The following MSN variants were observed in gnomAD, a reference collection of about 807,000 sequenced individuals.
The protein encoded by MSN is epididymis luminal protein 70.
Under a neutral mutation model 48.0 loss-of-function variants are expected in MSN, and 2 were observed. The ratio of observed to expected loss-of-function variants is 0.04; its 90% confidence interval spans 0.02 to 0.13. The LOEUF is 0.13. Ranked by LOEUF, MSN falls within the 10% of genes least tolerant of loss-of-function variation. MSN has a pLI of 1.00. For synonymous variants in MSN, 146 were observed against 166.9 expected (o/e 0.87, Z 0.97); for missense variants, 267 against 470.1 (o/e 0.57, Z 3.99).
intron 1 of MSN, among the ~76,000 whole-genome samples, chrX:65,606,545 C>T (rs190613796): frequency 5.5e-4 from 62 of 112,124 alleles, no homozygotes; most frequent in African/African-American, 2.0e-3. Context: ...GCCTCAGCTT[C>T]CTGGGTAGCT....
At chrX:65,654,437 T>G (rs1452460835) in intron 1 of MSN, among the ~76,000 whole-genome samples, 1 of 110,398 alleles carries the variant, frequency 9.1e-6, no homozygotes, top group African/African-American at 3.3e-5. Flanking sequence ...ACCCTTCTTA[T>G]AGCCAACCTT....
At chrX:65,715,088 A>G (rs1277351046) in intron 1 of MSN, among the ~76,000 whole-genome samples, 4 of 111,111 alleles carry the variant, frequency 3.6e-5, no homozygotes, top group Non-Finnish European at 7.5e-5. Context: ...TCCTTTTTCC[A>G]TTGCTTGTTT....
chrX:65,635,840 A>G (rs1271043159), intron 1 of MSN, among the ~76,000 whole-genome samples: 1 of 112,015 alleles, frequency 8.9e-6, no homozygotes, highest in Non-Finnish European at 1.9e-5. Context: ...ATGTGCCTCA[A>G]TTCCCAAGAC....
chrX:65,631,230 A>T (rs768277378), intron 1 of MSN, among the ~76,000 whole-genome samples: 2 of 109,360 alleles, frequency 1.8e-5, no homozygotes, highest in Non-Finnish European at 3.8e-5. Context: ...AGTAGCTGGG[A>T]TTACAGGCGC....
chrX:65,691,973 C>A (rs2071177290), intron 1 of MSN, among the ~76,000 whole-genome samples: 1 of 111,996 alleles, frequency 8.9e-6, no homozygotes, highest in African/African-American at 3.2e-5. Context: ...GTAGTGTTGG[C>A]CACTAATGGA....
At chrX:65,658,709 T>C (rs2070799890) in intron 1 of MSN, among the ~76,000 whole-genome samples, 1 of 111,896 alleles carries the variant, frequency 8.9e-6, no homozygotes, top group African/African-American at 3.2e-5. Context: ...TTTATTGCCG[T>C]GAACTTAGAT....
chrX:65,715,904 G>A (rs1009963377), intron 1 of MSN, among the ~76,000 whole-genome samples: 1 of 111,628 alleles, frequency 9.0e-6, no homozygotes, highest in South Asian at 3.7e-4. Flanking sequence ...GTCTTGTGTC[G>A]GTTTTAAAAG....
At chrX:65,623,368 CTTTT>C (rs773663630) in intron 1 of MSN, among the ~76,000 whole-genome samples, 1 of 74,173 alleles carries the variant, frequency 1.3e-5, no homozygotes, top group African/African-American at 4.8e-5. Context: ...TCTTTCTTTT[CTTTT>C]TTTTTTTTTT....
chrX:65,637,092 A>C (rs1297133171), intron 1 of MSN, among the ~76,000 whole-genome samples: 3 of 106,006 alleles, frequency 2.8e-5, no homozygotes, highest in African/African-American at 1.0e-4. Flanking sequence ...TCGGTCTCAA[A>C]AAAAAAAAAA....
chrX:65,617,160 A>G (rs1413442658), intron 1 of MSN, among the ~76,000 whole-genome samples: 1 of 105,635 alleles, frequency 9.5e-6, no homozygotes, highest in African/African-American at 4.0e-5. Flanking sequence ...ATATTGGTCT[A>G]AAATTCTCTT....
intron 1 of MSN, among the ~76,000 whole-genome samples, chrX:65,694,357 T>C (rs1167154953): frequency 4.7e-5 from 5 of 105,268 alleles, no homozygotes; most frequent in Non-Finnish European, 9.8e-5. Context: ...TGAGACGGAG[T>C]CTCTGTCTGT....
rs770539795 is a variant in MSN at position 65,736,858 on chromosome X, A to G, written c.1023A>G (p.Glu341=). 8.5e-7 allele frequency: 1 copy of G among 1,182,290 alleles called. No individual in the cohort carries two copies. Among genetic ancestry groups the G allele is most frequent in the East Asian group, 3.1e-5 (1 of 32,508 alleles). The change falls in exon 9 of 13, where the codon GAA becomes GAG. Residue 341 remains glutamate (E), a synonymous_variant. Coordinates refer to ENST00000360270, the MANE Select transcript of MSN (RefSeq NM_002444.3). ...CAGAGAAGGAGAAAGAGAAGATTGA[A>G]CGGGAGAAGGAGGAGCTGATGGAGA... is the stretch of plus-strand genomic sequence containing the variant. ...EMAEKEKEKI[E]REKEELMERL...
intron 8 of MSN, 113 bp from the exon 9 acceptor site, chrX:65,736,682 C>T (rs1248490868): frequency 4.7e-6 from 4 of 842,868 alleles, no homozygotes; most frequent in Non-Finnish European, 6.5e-6. Context: ...GTGATCTGCC[C>T]ACCTCGGCCT....
At position 65,702,164 on chromosome X, in the gene MSN, C is replaced by T. The variant is rs149504123; in HGVS notation, c.13-14654C>T. 8.8e-3 allele frequency among the ~76,000 whole-genome samples: 956 copies of T among 108,026 alleles called. 10 individuals carry two copies. The highest frequency in any genetic ancestry group is 0.024 in the African/African-American group (719 of 29,681). The allele number at this position is 108,026 out of a possible 115,157, so 93.8% of individuals were successfully genotyped here. The stretch of plus-strand genomic sequence containing the variant: ...AGTAGCTGGGACTACAAGAATGCAC[C>T]GCTACACCTGGCTAATTTTTGTATT... On this transcript the variant is annotated intron_variant, in intron 1 of 12. Transcript: ENST00000360270.
In MSN at chrX:65,720,496, T is replaced by C. The variant is rs780696449; in HGVS notation, c.96+3595T>C. Among the ~76,000 whole-genome samples, 21 of 112,393 alleles carry C rather than the reference T, an allele frequency of 1.9e-4. No homozygotes were observed. In the South Asian group the frequency reaches 7.7e-3, roughly 41 times the overall value. Reference sequence around the variant, plus strand: ...TCAAGGAATTGAGCATTTGGCCCTCTTGAGGCCAAGGCAGGTCAGGTCAGG... The same window carrying C: ...TCAAGGAATTGAGCATTTGGCCCTCCTGAGGCCAAGGCAGGTCAGGTCAGG... On this transcript the variant is annotated intron_variant, in intron 2 of 12. Coordinates refer to ENST00000360270, the MANE Select transcript of MSN (RefSeq NM_002444.3).
intron 1 of MSN, among the ~76,000 whole-genome samples, chrX:65,670,616 G>C (rs947828069): frequency 9.2e-6 from 1 of 108,180 alleles, no homozygotes; most frequent in Non-Finnish European, 1.9e-5. Flanking sequence ...CCAGCTACTC[G>C]GGAAGCTGAG....
intron 1 of MSN, among the ~76,000 whole-genome samples, chrX:65,609,622 G>A (rs1224964600): frequency 1.8e-5 from 2 of 111,743 alleles, no homozygotes; most frequent in Non-Finnish European, 3.8e-5. Context: ...GGTGGCTCAT[G>A]TCTGTAATCC....
chrX:65,613,466 G>T (rs1444219708), intron 1 of MSN, among the ~76,000 whole-genome samples: 1 of 114,508 alleles, frequency 8.7e-6, no homozygotes, highest in African/African-American at 3.2e-5. Flanking sequence ...TTCCACAATG[G>T]TTGAACTAAT....
At chrX:65,662,676 T>C (rs973430970), upstream of MSN, among the ~76,000 whole-genome samples, 7 of 112,488 alleles carry the variant, frequency 6.2e-5, no homozygotes, top group Admixed American at 9.4e-5. Flanking sequence ...TCTCAAACTA[T>C]AAAAATCACA....
Sources: gnomAD v4.1 joint callset for allele counts (sites outside exome capture counted in the v4.1 genomes callset) on GRCh38, gnomAD v4.1.1 for gene constraint, MANE v1.5 for transcripts, NCBI Gene and HGNC (gene_info 2026-07-23, HGNC 2026-07-21) for gene names.